Variants in MTMR2 observed in about 807,000 individuals in gnomAD.
The protein encoded by MTMR2 is phosphatidylinositol-3,5-bisphosphate 3-phosphatase MTMR2.
A neutral mutation model predicts 86.9 loss-of-function variants in MTMR2; 55 were observed. That is an observed-to-expected ratio of 0.63 (90% CI 0.51 to 0.79). The LOEUF (loss-of-function observed/expected upper bound fraction) is 0.79. MTMR2 is among the 30% of genes least tolerant of loss of function. MTMR2 has a pLI of 0.00. For synonymous variants in MTMR2, 241 were observed against 266.8 expected (o/e 0.90, Z 0.94); for missense variants, 659 against 772.3 (o/e 0.85, Z 1.74).
chr11:95,923,675 A>C (rs780424564), intron 1 of MTMR2, 200 bp downstream of exon 1: 75 of 1,427,188 alleles, frequency 5.3e-5, no homozygotes, highest in Non-Finnish European at 6.4e-5. Context: ...ATCGATAAAG[A>C]AGCAGCGAGT....
intron 1 of MTMR2, among the ~76,000 whole-genome samples, chr11:95,888,588 AC>A (rs1413091050): frequency 6.6e-6 from 1 of 152,186 alleles, no homozygotes; most frequent in Non-Finnish European, 1.5e-5. Context: ...AAACCACTAC[AC>A]CAGGCACTGT....
At chr11:95,836,794 C>A (rs1863306217) in intron 13 of MTMR2, among the ~76,000 whole-genome samples, 1 of 151,814 alleles carries the variant, frequency 6.6e-6, no homozygotes, top group African/African-American at 2.4e-5. Context: ...TAAATGATTC[C>A]ATTTATATGA....
chr11:95,859,600 G>A (rs1864332461), intron 5 of MTMR2, among the ~76,000 whole-genome samples: 1 of 152,120 alleles, frequency 6.6e-6, no homozygotes, highest in Non-Finnish European at 1.5e-5. Context: ...ATACTTGAAT[G>A]AAACATGAAT....
chr11:95,870,005 G>C (rs1864793300), intron 2 of MTMR2, among the ~76,000 whole-genome samples: 1 of 152,070 alleles, frequency 6.6e-6, no homozygotes, highest in African/African-American at 2.4e-5. Context: ...TAAACTCATA[G>C]AATGTACACT....
At chr11:95,835,966 A>G (rs1863253801) in intron 14 of MTMR2, among the ~76,000 whole-genome samples, 182 bp downstream of exon 14, 1 of 152,038 alleles carries the variant, frequency 6.6e-6, no homozygotes, top group Non-Finnish European at 1.5e-5. Context: ...AAGCAGTCCT[A>G]AGAACCAGGT....
rs559328753 is a variant in MTMR2, at chr11:95,868,358, G to C, written c.187-2682C>G. 2.7e-5 allele frequency among the ~76,000 whole-genome samples: 4 copies of C among 148,530 alleles called. No homozygotes were observed. In the South Asian group the frequency reaches 8.7e-4, roughly 32 times the overall value. ...GAGTAGAAACAGAAAGTCATAAGGA[G>C]AGAGACACAATGAAACAAGAGAAAT... On this transcript the variant is annotated intron_variant, in intron 2 of 14. Transcript: ENST00000346299.
At chr11:95,845,837 C>A (rs1294500577) in intron 10 of MTMR2, among the ~76,000 whole-genome samples, 2 of 54,378 alleles carry the variant, frequency 3.7e-5, no homozygotes, top group African/African-American at 8.1e-5. Flanking sequence ...TAAAACTAAA[C>A]ATAATTAGAT....
rs1565368414 is a variant in MTMR2 at position 95,877,331 on chromosome 11, C to CTTTTTTTTTTTTTTTTTTTT, written c.186+10824_186+10825insAAAAAAAAAAAAAAAAAAAA. Among the ~76,000 whole-genome samples the CTTTTTTTTTTTTTTTTTTTT allele has an allele frequency of 1.9e-4, 18 of 94,718 alleles. 6 individuals are homozygous for CTTTTTTTTTTTTTTTTTTTT. The highest frequency in any genetic ancestry group is 7.9e-4 in the African/African-American group (16 of 20,154). The allele number at this position is 94,718 out of a possible 152,430, so 62.1% of individuals were successfully genotyped here. On this transcript the variant is annotated intron_variant, in intron 2 of 14. Transcript: ENST00000346299. ...CATTCAAGATCAAGCACAGGGAAGC[C>CTTTTTTTTTTTTTTTTTTTT]CTTTTTTTTTTTTTTTTTTTTTTTT...
rs1196853777 is a variant in MTMR2 at position 95,923,894 on chromosome 11, TG to T, written c.60del (p.Ser21AlafsTer41). On this transcript the variant is annotated frameshift_variant, in exon 1 of 15. Coordinates refer to ENST00000346299, the MANE Select transcript of MTMR2 (RefSeq NM_016156.6). LOFTEE classifies it high-confidence loss of function. Reference sequence around the variant, plus strand: ...GGTTACCTGGACAAGGAGTCCACGCTGGGCGGCCGAGCCGCCGCCGGCTGGG... The same window carrying T: ...GGTTACCTGGACAAGGAGTCCACGCTGGCGGCCGAGCCGCCGCCGGCTGGG... ...LGSQPAAARP[P>X]SVDSLSSAST... 1.3e-6 allele frequency: 2 copies of T among 1,556,894 alleles called. No individual in the cohort carries two copies. The highest frequency in any genetic ancestry group is 1.7e-6 in the Non-Finnish European group (2 of 1,150,344).
intron 1 of MTMR2, among the ~76,000 whole-genome samples, chr11:95,896,313 G>T (rs1865880162): frequency 1.3e-5 from 2 of 149,618 alleles, no homozygotes; most frequent in Non-Finnish European, 1.5e-5. Flanking sequence ...ATTTTTTTTT[G>T]TTTTTTTGGT....
chr11:95,847,614 A>G (rs1863845105), intron 10 of MTMR2, 100 bp downstream of exon 10: 1 of 1,084,960 alleles, frequency 9.2e-7, no homozygotes, highest in Non-Finnish European at 1.4e-6. Context: ...TTCATTGTTT[A>G]GAAAGGTACC....
At chr11:95,918,962 C>T (rs1565392040) in intron 1 of MTMR2, among the ~76,000 whole-genome samples, 1 of 152,196 alleles carries the variant, frequency 6.6e-6, no homozygotes. Context: ...ACCAGCCTCC[C>T]AAGTATCTGG....
chr11:95,839,982 T>C (rs1022100169), intron 12 of MTMR2: 1 of 152,130 alleles, frequency 6.6e-6, no homozygotes, highest in Non-Finnish European at 1.5e-5. Flanking sequence ...AGACAGCATA[T>C]ATAAAGTTAA....
At chr11:95,888,014 G>T in intron 2 of MTMR2, 142 bp downstream of exon 2, 1 of 654,570 alleles carries the variant, frequency 1.5e-6, no homozygotes, top group Non-Finnish European at 2.6e-6. Flanking sequence ...CAAATTTGCT[G>T]GCCTATTCTG....
chr11:95,889,667 T>C (rs527310688), intron 1 of MTMR2, among the ~76,000 whole-genome samples: 1 of 152,236 alleles, frequency 6.6e-6, no homozygotes, highest in South Asian at 2.1e-4. Context: ...CACTTCTTTT[T>C]TATTTTCCAC....
At chr11:95,878,422 C>A (rs1865203203) in intron 2 of MTMR2, among the ~76,000 whole-genome samples, 2 of 151,716 alleles carry the variant, frequency 1.3e-5, no homozygotes, top group South Asian at 4.2e-4. Context: ...AAAGTATGAA[C>A]CCTAATGCAA....
chr11:95,850,555 G>A lies in MTMR2; in HGVS notation c.804+45C>T, dbSNP rs142919076. On this transcript the variant is annotated intron_variant, in intron 8 of 14. Transcript: ENST00000346299. ...TACTCATTAATCTCAGCATTATGTTGAGTAAAAAAGCACTTGCAAAGGCTC... is the reference window on the plus strand; with the variant it reads ...TACTCATTAATCTCAGCATTATGTTAAGTAAAAAAGCACTTGCAAAGGCTC... 13 of 1,584,460 alleles carry A rather than the reference G, an allele frequency of 8.2e-6. No homozygotes were observed. The East Asian group carries it at 2.7e-4, about 33-fold the overall frequency.
chr11:95,861,967 A>G (rs749381388), intron 5 of MTMR2, 25 bp downstream of exon 5: 2 of 1,516,246 alleles, frequency 1.3e-6, no homozygotes, highest in South Asian at 1.1e-5. Context: ...ACCAAAGAAA[A>G]TCACATACAT....
At chr11:95,870,299 A>G (rs886949559) in intron 2 of MTMR2, among the ~76,000 whole-genome samples, 10 of 152,148 alleles carry the variant, frequency 6.6e-5, no homozygotes, top group Admixed American at 6.6e-4. Flanking sequence ...TTTTTATAAT[A>G]AAATACTGGG....
Sources: allele counts gnomAD v4.1 joint callset (sites outside exome capture counted in the v4.1 genomes callset), GRCh38; gene constraint gnomAD v4.1.1; transcripts MANE v1.5; gene names NCBI Gene and HGNC (gene_info 2026-07-23, HGNC 2026-07-21).